Variants in BRINP1 observed in about 807,000 individuals in gnomAD.
BRINP1 encodes the protein BMP/retinoic acid-inducible neural-specific protein 1.
Under a neutral mutation model 72.9 loss-of-function variants are expected in BRINP1, and 17 were observed. The observed-to-expected ratio is 0.23, with a 90% confidence interval of 0.16 to 0.35. The LOEUF (loss-of-function observed/expected upper bound fraction) is 0.35, where lower values mean the gene tolerates loss of function less well. Ranked by LOEUF, BRINP1 falls within the 10% of genes least tolerant of loss-of-function variation. The pLI, the probability that BRINP1 is intolerant of heterozygous loss-of-function variation, is 1.00. For missense variants in BRINP1, 850 were observed against 1,001.6 expected, an observed-to-expected ratio of 0.85 and a Z score of 2.04; for synonymous variants, 418 against 378.5, an observed-to-expected ratio of 1.10 and a Z score of -1.21.
intron 1 of BRINP1, among the ~76,000 whole-genome samples, chr9:119,358,330 C>T (rs1318405728): frequency 3.4e-5 from 5 of 147,828 alleles, no homozygotes; most frequent in South Asian, 2.1e-4. Context: ...CTGCACAAGG[C>T]GAAGGTTCTA....
intron 7 of BRINP1, among the ~76,000 whole-genome samples, chr9:119,193,820 C>T (rs1474592854): frequency 1.3e-5 from 2 of 152,210 alleles, no homozygotes; most frequent in East Asian, 3.9e-4. Context: ...GGTCTATGTA[C>T]TCTCCCCTTG....
chr9:119,210,011 T>G (rs560666697), intron 6 of BRINP1, among the ~76,000 whole-genome samples: 31 of 152,330 alleles, frequency 2.0e-4, no homozygotes, highest in African/African-American at 7.0e-4. Flanking sequence ...AGTTTCAGAG[T>G]GTCAACTTGG....
chr9:119,320,518 C>T (rs1350614710), intron 1 of BRINP1, among the ~76,000 whole-genome samples: 1 of 152,110 alleles, frequency 6.6e-6, no homozygotes, highest in East Asian at 1.9e-4. Context: ...ACTGACTCTA[C>T]GTGTGGTGAG....
At chr9:119,342,821 T>C (rs897575696) in intron 1 of BRINP1, among the ~76,000 whole-genome samples, 1 of 152,210 alleles carries the variant, frequency 6.6e-6, no homozygotes, top group Non-Finnish European at 1.5e-5. Context: ...GGAAAATCCA[T>C]GCAGAGCATC....
intron 2 of BRINP1, among the ~76,000 whole-genome samples, chr9:119,298,661 C>T (rs950297132): frequency 1.3e-5 from 2 of 152,142 alleles, no homozygotes; most frequent in African/African-American, 2.4e-5. Flanking sequence ...GACCTTCACC[C>T]CATCCTCTTC....
chr9:119,242,844 A>G (rs368409919), intron 3 of BRINP1, among the ~76,000 whole-genome samples: 1 of 152,250 alleles, frequency 6.6e-6, no homozygotes, highest in South Asian at 2.1e-4. Flanking sequence ...ATGCACACAT[A>G]GATCAGTAAC....
At chr9:119,353,135 C>T (rs567681171) in intron 1 of BRINP1, among the ~76,000 whole-genome samples, 18 of 152,194 alleles carry the variant, frequency 1.2e-4, no homozygotes, top group Admixed American at 1.0e-3. Context: ...TCGGTACCAC[C>T]GAGGCAAGCC....
chr9:119,252,592 T>G (rs185673480), intron 2 of BRINP1, among the ~76,000 whole-genome samples: 1 of 151,998 alleles, frequency 6.6e-6, no homozygotes, highest in Non-Finnish European at 1.5e-5. Context: ...TATTCATAAC[T>G]TACTGTCTTG....
chr9:119,168,375 C>T (rs954152929), intron 7 of BRINP1, 151 bp from the exon 8 acceptor site: 12 of 581,646 alleles, frequency 2.1e-5, no homozygotes, highest in African/African-American at 7.5e-5. Flanking sequence ...CGAATATAAA[C>T]GTAAGAACTA....
At chr9:119,240,506 GA>G (rs1241432790) in intron 4 of BRINP1, among the ~76,000 whole-genome samples, 1 of 152,166 alleles carries the variant, frequency 6.6e-6, no homozygotes, top group Non-Finnish European at 1.5e-5. Flanking sequence ...TCTTCTGACA[GA>G]GCTTCAATAT....
Position 119,369,268 on chromosome 9 carries a change from G to A in BRINP1, c.-263C>T. On this transcript the variant is annotated 5_prime_UTR_variant, in exon 1 of 8. Coordinates refer to ENST00000265922, the MANE Select transcript of BRINP1 (RefSeq NM_014618.3). ...GAGGACAGGCATGAATCCCGGCTCC[G>A]GAAGGCGGTCACTACTCCCTCTGCC... 2.5e-6 allele frequency: 1 copy of A among 398,788 alleles called. No homozygotes were observed. Among genetic ancestry groups the A allele is most frequent in the Non-Finnish European group, 4.4e-6 (1 of 226,182 alleles). The allele number at this position is 398,788 out of a possible 1,614,324, so 24.7% of individuals were successfully genotyped here. A position where few individuals can be genotyped will look rare whatever the true frequency, so the allele number is the denominator to read the frequency against.
chr9:119,199,802 T>TC (rs1161593037), intron 7 of BRINP1, among the ~76,000 whole-genome samples: 7 of 150,624 alleles, frequency 4.6e-5, no homozygotes, highest in East Asian at 3.9e-4. Flanking sequence ...TTGTTCTTCT[T>TC]TTTTTTTTTT....
chr9:119,225,510 G>T (rs998366306), intron 5 of BRINP1, among the ~76,000 whole-genome samples: 1 of 151,904 alleles, frequency 6.6e-6, no homozygotes, highest in Non-Finnish European at 1.5e-5. Context: ...CAATGTAAAT[G>T]CTATGTAACT....
At chr9:119,185,933 C>T (rs888215301) in intron 7 of BRINP1, among the ~76,000 whole-genome samples, 17 of 152,364 alleles carry the variant, frequency 1.1e-4, no homozygotes, top group African/African-American at 1.7e-4. Context: ...GTAGCCACTG[C>T]GCTTCTCCAT....
At chr9:119,219,247 C>T (rs1017702934) in intron 5 of BRINP1, among the ~76,000 whole-genome samples, 2 of 152,046 alleles carry the variant, frequency 1.3e-5, no homozygotes, top group African/African-American at 4.8e-5. Context: ...AGGTTGCCCC[C>T]CATTTAACTA....
chr9:119,283,442 T>C (rs2118965009), intron 2 of BRINP1, among the ~76,000 whole-genome samples: 1 of 152,360 alleles, frequency 6.6e-6, no homozygotes, highest in Admixed American at 6.5e-5. Flanking sequence ...ACTAAAATAC[T>C]TGCCACTTTC....
At chr9:119,311,156 T>A (rs1283343195) in intron 2 of BRINP1, among the ~76,000 whole-genome samples, 4 of 152,236 alleles carry the variant, frequency 2.6e-5, no homozygotes, top group Non-Finnish European at 5.9e-5. Context: ...ATATTTATTT[T>A]ACTCTTCATT....
At chr9:119,300,997 C>T (rs1830933104) in intron 2 of BRINP1, among the ~76,000 whole-genome samples, 1 of 152,220 alleles carries the variant, frequency 6.6e-6, no homozygotes, top group Non-Finnish European at 1.5e-5. Flanking sequence ...TGTGAGTGAG[C>T]ATAGCTCCAA....
intron 1 of BRINP1, among the ~76,000 whole-genome samples, chr9:119,353,473 A>G (rs1308852937): frequency 5.3e-5 from 8 of 152,218 alleles, no homozygotes; most frequent in African/African-American, 1.4e-4. Flanking sequence ...CAAAGATCAC[A>G]TAACGCCAGT....
Sources: allele counts gnomAD v4.1 joint callset (sites outside exome capture counted in the v4.1 genomes callset), GRCh38; gene constraint gnomAD v4.1.1; transcripts MANE v1.5; gene names NCBI Gene and HGNC (gene_info 2026-07-23, HGNC 2026-07-21).